The following TENM2 variants were observed in gnomAD, a reference collection of about 807,000 sequenced individuals.
The protein encoded by TENM2 is teneurin-2.
A neutral mutation model predicts 245.2 loss-of-function variants in TENM2; 52 were observed. The observed-to-expected ratio is 0.21, with a 90% CI of 0.17 to 0.27. The LOEUF is 0.27. Among genes scored for constraint, TENM2 ranks in the 10% least tolerant of loss-of-function variants. The pLI, the probability that TENM2 is intolerant of heterozygous loss-of-function variation, is 1.00. For synonymous variants in TENM2, 1,363 were observed against 1,438.9 expected (o/e 0.95, Z 1.19); for missense variants, 3,046 against 3,666.8 (o/e 0.83, Z 4.37).
intron 4 of TENM2, among the ~76,000 whole-genome samples, chr5:167,960,786 C>T (rs1408721133): frequency 2.0e-5 from 3 of 152,188 alleles, no homozygotes; most frequent in South Asian, 2.1e-4. Context: ...TCTGCCCAAA[C>T]GGCCACCCAG....
In TENM2 at chr5:167,464,447, C is replaced by T. The variant is rs542869091; in HGVS notation, c.502+88974C>T. On this transcript the variant is annotated intron_variant, in intron 2 of 28. Coordinates refer to ENST00000518659, the Ensembl canonical transcript of TENM2. ...AAATTCACATCTGTTGTAATCTAAT[C>T]ATCTATCTGGATACACAGTTTTTAT... Among the ~76,000 whole-genome samples the T allele has an allele frequency of 2.3e-3, 350 of 152,234 alleles. 1 individual carries two copies. The highest frequency in any genetic ancestry group is 8.1e-3 in the African/African-American group (335 of 41,542).
intron 23 of TENM2, 88 bp from the exon 26 acceptor site, chr5:168,226,000 T>G: frequency 7.6e-7 from 1 of 1,313,172 alleles, no homozygotes; most frequent in Non-Finnish European, 1.0e-6. Flanking sequence ...TTCCCAGCTC[T>G]TTCTCTGGCC....
chr5:167,396,795 A>G (rs186616982), intron 2 of TENM2, among the ~76,000 whole-genome samples: 7 of 152,286 alleles, frequency 4.6e-5, no homozygotes, highest in African/African-American at 1.7e-4. Context: ...TGATTGACAT[A>G]CAGAGGGACA....
chr5:167,139,520 G>A, the TENM2 span, among the ~76,000 whole-genome samples: 1 of 152,176 alleles, frequency 6.6e-6, no homozygotes, highest in Non-Finnish European at 1.5e-5. Flanking sequence ...TAAACCTCTG[G>A]ACATAAGACC....
chr5:167,078,793 A>G, the TENM2 span, among the ~76,000 whole-genome samples: 1 of 152,188 alleles, frequency 6.6e-6, no homozygotes, highest in Non-Finnish European at 1.5e-5. Flanking sequence ...TTGAATATAA[A>G]CTATTGATTT....
chr5:168,185,834 T>A (rs1419709351), intron 13 of TENM2, among the ~76,000 whole-genome samples: 5 of 149,138 alleles, frequency 3.4e-5, no homozygotes, highest in Non-Finnish European at 7.4e-5. Context: ...ATCTTTTTTT[T>A]TAAAATGAAA....
chr5:167,573,880 AAAAAAAAAAGAAAAG>A (rs1774454140), intron 2 of TENM2: 1 of 151,750 alleles, frequency 6.6e-6, no homozygotes. Context: ...CTTGCTGGAA[AAAAAAAAAAGAAAAG>A]AAAAAAAAAG....
chr5:166,979,920 A>G, the TENM2 span, among the ~76,000 whole-genome samples: 12 of 152,112 alleles, frequency 7.9e-5, no homozygotes, highest in African/African-American at 2.7e-4. Context: ...GTTTAAGGTT[A>G]TCGTTCTCCA....
At chr5:167,912,913 G>C (rs1489251094) in intron 3 of TENM2, among the ~76,000 whole-genome samples, 1 of 152,046 alleles carries the variant, frequency 6.6e-6, no homozygotes, top group Non-Finnish European at 1.5e-5. Flanking sequence ...GGTACACCCT[G>C]GGCAAAGGCA....
chr5:168,155,222 C>T (rs1226177266), intron 12 of TENM2, among the ~76,000 whole-genome samples: 11 of 152,166 alleles, frequency 7.2e-5, no homozygotes, highest in Non-Finnish European at 1.0e-4. Flanking sequence ...TGGTGATCCC[C>T]GATCTCCAAC....
rs550207895 is a variant in TENM2, at chr5:168,028,905, C to A, written c.1187-18522C>A. ...TGGGAAAGTGGAGCTCTCTTTTCTC[C>A]TGGTAGCCCAAGGGCATGGGAATAT... On this transcript the variant is annotated intron_variant, in intron 5 of 28. Transcript: ENST00000518659. Among the ~76,000 whole-genome samples the A allele has an allele frequency of 5.9e-5, 9 of 152,198 alleles. No homozygotes were observed. The South Asian group carries it at 1.7e-3, about 28-fold the overall frequency.
At chr5:167,111,976 G>A in the TENM2 span, among the ~76,000 whole-genome samples, 1 of 152,218 alleles carries the variant, frequency 6.6e-6, no homozygotes, top group East Asian at 1.9e-4. Flanking sequence ...GACATTAACT[G>A]GATATCAATT....
At chr5:167,554,500 G>T (rs1773140696) in intron 2 of TENM2, among the ~76,000 whole-genome samples, 1 of 152,218 alleles carries the variant, frequency 6.6e-6, no homozygotes, top group African/African-American at 2.4e-5. Flanking sequence ...GAGGGTAGAT[G>T]GAGCAGTGAC....
At position 167,617,178 on chromosome 5, in the gene TENM2, T is replaced by A. The variant is rs563860743; in HGVS notation, c.502+241705T>A. Among the ~76,000 whole-genome samples the A allele has an allele frequency of 5.1e-4, 77 of 152,294 alleles. 1 individual carries two copies. Among genetic ancestry groups the A allele is most frequent in the Admixed American group, 3.9e-3 (59 of 15,282 alleles). On this transcript the variant is annotated intron_variant, in intron 2 of 28. Transcript: ENST00000518659. ...TTGTGTCATCTTGAGATGTAACTTTTTAATGTATTTTCTCTGCATTTTAAA... is the reference window on the plus strand; with the variant it reads ...TTGTGTCATCTTGAGATGTAACTTTATAATGTATTTTCTCTGCATTTTAAA...
chr5:167,094,118 ATATT>A, the TENM2 span, among the ~76,000 whole-genome samples: 4 of 152,350 alleles, frequency 2.6e-5, no homozygotes, highest in African/African-American at 7.2e-5. Flanking sequence ...ATTTGATGGC[ATATT>A]TAAAGTTTTA....
At position 167,673,611 on chromosome 5, in the gene TENM2, T is replaced by A. The variant is rs75234867; in HGVS notation, c.503-202375T>A. On this transcript the variant is annotated intron_variant, in intron 2 of 28. Transcript: ENST00000518659. ...GTAGTAGCATAGGAGGATAATAGTCTGTGATTGAAAAGAAAATCCAAATCA... is the reference window on the plus strand; with the variant it reads ...GTAGTAGCATAGGAGGATAATAGTCAGTGATTGAAAAGAAAATCCAAATCA... Among the ~76,000 whole-genome samples, 1,114 of 152,268 alleles carry A rather than the reference T, an allele frequency of 7.3e-3. 13 individuals carry two copies. Among genetic ancestry groups the A allele is most frequent in the African/African-American group, 0.023 (975 of 41,554 alleles).
the TENM2 span, among the ~76,000 whole-genome samples, chr5:167,057,568 C>G: frequency 2.0e-5 from 3 of 152,054 alleles, no homozygotes; most frequent in African/African-American, 4.8e-5. Flanking sequence ...TTCCCCACTC[C>G]CTTTATGTGG....
At chr5:167,025,326 G>C in the TENM2 span, among the ~76,000 whole-genome samples, 1 of 151,996 alleles carries the variant, frequency 6.6e-6, no homozygotes, top group Admixed American at 6.5e-5. Context: ...TCTTAATTCA[G>C]ATTATAAATA....
chr5:167,800,856 G>A (rs972612880), intron 2 of TENM2, among the ~76,000 whole-genome samples: 1 of 151,636 alleles, frequency 6.6e-6, no homozygotes, highest in African/African-American at 2.4e-5. Context: ...ACCCCTTCAG[G>A]AACCACACTA....
Sources: gnomAD v4.1 joint callset for allele counts (sites outside exome capture counted in the v4.1 genomes callset) on GRCh38, gnomAD v4.1.1 for gene constraint, MANE v1.5 for transcripts, NCBI Gene and HGNC (gene_info 2026-07-23, HGNC 2026-07-21) for gene names.